The following AUTS2 variants were observed in gnomAD, a reference collection of about 807,000 sequenced individuals.
The protein encoded by AUTS2 is activator of transcription and developmental regulator AUTS2.
A neutral mutation model predicts 112.4 loss-of-function variants in AUTS2; 17 were observed. The ratio of observed to expected loss-of-function variants is 0.15; its 90% confidence interval spans 0.10 to 0.23. AUTS2 has a LOEUF of 0.23. Ranked by LOEUF, AUTS2 falls within the 10% of genes least tolerant of loss-of-function variation. The pLI, the probability that AUTS2 is intolerant of heterozygous loss-of-function variation, is 1.00. For synonymous variants in AUTS2, 751 were observed against 702.7 expected, an observed-to-expected ratio of 1.07 and a Z score of -1.09; for missense variants, 1,510 against 1,701.6, an observed-to-expected ratio of 0.89 and a Z score of 1.98.
chr7:69,837,638 T>A (rs1322524001), intron 1 of AUTS2, among the ~76,000 whole-genome samples: 2 of 152,188 alleles, frequency 1.3e-5, no homozygotes, highest in Non-Finnish European at 2.9e-5. Context: ...AGCAATTTGC[T>A]ATGTGTTCTT....
At chr7:69,873,603 C>CT (rs1793600408) in intron 1 of AUTS2, among the ~76,000 whole-genome samples, 1 of 152,130 alleles carries the variant, frequency 6.6e-6, no homozygotes, top group Non-Finnish European at 1.5e-5. Context: ...GTTAACCACC[C>CT]TTACTGATTC....
At chr7:70,289,250 C>T (rs550460267) in intron 4 of AUTS2, among the ~76,000 whole-genome samples, 36 of 152,334 alleles carry the variant, frequency 2.4e-4, no homozygotes, top group African/African-American at 8.7e-4. Context: ...TGAGTCACTG[C>T]ACATATGATC....
At chr7:70,289,503 A>G (rs1279045468) in intron 4 of AUTS2, among the ~76,000 whole-genome samples, 1 of 152,198 alleles carries the variant, frequency 6.6e-6, no homozygotes, top group South Asian at 2.1e-4. Flanking sequence ...TAAGATTTAC[A>G]TCCCTCAGGC....
At position 69,718,644 on chromosome 7, in the gene AUTS2, T is replaced by C. The variant is rs1450157591; in HGVS notation, c.309+118682T>C. Among the ~76,000 whole-genome samples the C allele has an allele frequency of 2.6e-5, 4 of 152,202 alleles. No homozygotes were observed. In the South Asian group the frequency reaches 8.3e-4, roughly 31 times the overall value. On this transcript the variant is annotated intron_variant, in intron 1 of 18. Transcript: ENST00000342771. ...TCCCCTTATTTTAAGATCTGCTGGT[T>C]AGCATCCTTAATTCCATCTCCAACC... is the stretch of plus-strand genomic sequence containing the variant.
chr7:70,269,424 C>G (rs1014844493), intron 4 of AUTS2, among the ~76,000 whole-genome samples: 2 of 152,082 alleles, frequency 1.3e-5, no homozygotes, highest in Non-Finnish European at 2.9e-5. Flanking sequence ...GTGTTCTGGT[C>G]TTGTCACAGG....
chr7:69,603,145 C>G (rs1283154978), intron 1 of AUTS2, among the ~76,000 whole-genome samples: 1 of 152,206 alleles, frequency 6.6e-6, no homozygotes, highest in African/African-American at 2.4e-5. Context: ...GTCATTAAGG[C>G]TGCTGCTGGT....
chr7:69,967,442 G>A (rs1170783388), intron 2 of AUTS2, among the ~76,000 whole-genome samples: 2 of 152,136 alleles, frequency 1.3e-5, no homozygotes, highest in Admixed American at 1.3e-4. Flanking sequence ...GAGTGGGAGG[G>A]AGGGAGAGGC....
At chr7:70,410,413 T>TATTTATTA (rs1794724901) in intron 4 of AUTS2, among the ~76,000 whole-genome samples, 1 of 134,156 alleles carries the variant, frequency 7.5e-6, no homozygotes, top group Non-Finnish European at 1.5e-5. Context: ...TTTATTTATT[T>TATTTATTA]ATTTATTTAT....
chr7:69,882,480 G>A (rs2129538013), intron 1 of AUTS2, among the ~76,000 whole-genome samples: 1 of 152,296 alleles, frequency 6.6e-6, no homozygotes, highest in Non-Finnish European at 1.5e-5. Flanking sequence ...CTAGGCTTCT[G>A]CTTTCAGTTC....
intron 6 of AUTS2, among the ~76,000 whole-genome samples, chr7:70,745,446 T>C (rs1352765182): frequency 6.6e-6 from 1 of 152,264 alleles, no homozygotes; most frequent in East Asian, 1.9e-4. Context: ...CAGTGTTCTG[T>C]TGAAAATTTA....
At chr7:69,719,861 G>A (rs1195016091) in intron 1 of AUTS2, among the ~76,000 whole-genome samples, 1 of 152,176 alleles carries the variant, frequency 6.6e-6, no homozygotes, top group African/African-American at 2.4e-5. Context: ...AAGGGAAACA[G>A]TGGCATAGCA....
chr7:70,043,574 TTCCTTCCTTCCTTCCTTCCTTCC>T (rs1801346197), intron 2 of AUTS2, among the ~76,000 whole-genome samples: 1 of 113,862 alleles, frequency 8.8e-6, no homozygotes, highest in African/African-American at 3.7e-5. Flanking sequence ...CCTTCCTTCC[TTCCTTCCTTCCTTCCTTCCTTCC>T]TTCCTTCCTT....
intron 4 of AUTS2, among the ~76,000 whole-genome samples, chr7:70,349,377 G>A (rs1473572514): frequency 1.3e-5 from 2 of 152,172 alleles, no homozygotes; most frequent in Non-Finnish European, 2.9e-5. Flanking sequence ...AGAGTTGATT[G>A]TTAAAGGATA....
At chr7:70,670,824 C>T (rs961037149) in intron 5 of AUTS2, among the ~76,000 whole-genome samples, 2 of 152,116 alleles carry the variant, frequency 1.3e-5, no homozygotes, top group African/African-American at 4.8e-5. Context: ...CTATTTATGC[C>T]CAGGCACTGA....
intron 1 of AUTS2, among the ~76,000 whole-genome samples, chr7:69,799,287 C>T (rs34701787): frequency 0.097 from 14,776 of 152,020 alleles, 780 homozygotes; most frequent in Admixed American, 0.12. Context: ...TGGGAGTCTA[C>T]GTTGTCTTCA....
intron 1 of AUTS2, among the ~76,000 whole-genome samples, chr7:69,629,081 A>G (rs1329633247): frequency 1.3e-5 from 2 of 152,182 alleles, no homozygotes; most frequent in Non-Finnish European, 2.9e-5. Flanking sequence ...GGGGCATCAC[A>G]GTGAGCTTAG....
Position 69,759,266 on chromosome 7 carries a change from C to T in AUTS2, c.310-140020C>T, listed in dbSNP as rs138693789. 7.5e-3 allele frequency among the ~76,000 whole-genome samples: 1,140 copies of T among 151,354 alleles called. 17 individuals carry two copies. Among genetic ancestry groups the T allele is most frequent in the African/African-American group, 0.026 (1,075 of 41,264 alleles). On this transcript the variant is annotated intron_variant, in intron 1 of 18. Coordinates refer to ENST00000342771, the MANE Select transcript of AUTS2 (RefSeq NM_015570.4). ...GTTCAGGTTTTTGATTTTTTTTTTC[C>T]GAGTTTGAAACATCTGTATCTACAT...
At chr7:70,103,141 C>A (rs1318632032) in intron 2 of AUTS2, among the ~76,000 whole-genome samples, 1 of 152,116 alleles carries the variant, frequency 6.6e-6, no homozygotes, top group Non-Finnish European at 1.5e-5. Context: ...TCCAAAGGAA[C>A]AAACACACTG....
At chr7:70,530,547 G>A (rs1800041493) in intron 5 of AUTS2, among the ~76,000 whole-genome samples, 1 of 152,124 alleles carries the variant, frequency 6.6e-6, no homozygotes, top group South Asian at 2.1e-4. Context: ...AATTACTTAT[G>A]ATGATGATAG....
Sources: allele counts gnomAD v4.1 joint callset (sites outside exome capture counted in the v4.1 genomes callset), GRCh38; gene constraint gnomAD v4.1.1; transcripts MANE v1.5; gene names NCBI Gene and HGNC (gene_info 2026-07-23, HGNC 2026-07-21).